CHN1: variants seen among roughly 807,000 people sequenced by gnomAD.
The protein encoded by CHN1 is chimerin 1, also known as N-chimaerin.
CHN1 carries 37 observed loss-of-function variants against 59.5 expected under a neutral mutation model. The observed-to-expected ratio is 0.62, with a 90% CI of 0.48 to 0.82. The LOEUF (loss-of-function observed/expected upper bound fraction) is 0.82. CHN1 is among the 40% of genes least tolerant of loss of function. CHN1 has a pLI of 0.00. For synonymous variants in CHN1, 206 were observed against 200.4 expected, an observed-to-expected ratio of 1.03 and a Z score of -0.24; for missense variants, 469 against 571.0, an observed-to-expected ratio of 0.82 and a Z score of 1.82.
At chr2:174,846,503 T>C in intron 7 of CHN1, 1 of 1,415,326 alleles carries the variant, frequency 7.1e-7, no homozygotes, top group Non-Finnish European at 9.3e-7. Flanking sequence ...TATCCAAAGC[T>C]TTTTACCAGA....
intron 11 of CHN1, among the ~76,000 whole-genome samples, chr2:174,807,444 A>ATGTGTGTGTGTGTG (rs1248242019): frequency 2.2e-5 from 2 of 90,284 alleles, no homozygotes; most frequent in African/African-American, 8.1e-5. Flanking sequence ...TTCACGGGCT[A>ATGTGTGTGTGTGTG]TCTGTGTGTG....
At chr2:174,874,463 A>T (rs1034292347) in intron 6 of CHN1, among the ~76,000 whole-genome samples, 8 of 152,196 alleles carry the variant, frequency 5.3e-5, no homozygotes, top group Non-Finnish European at 8.8e-5. Context: ...TGACATAGCT[A>T]TCACTTGGAA....
intron 3 of CHN1, among the ~76,000 whole-genome samples, chr2:174,930,274 A>T (rs141452906): frequency 3.2e-4 from 48 of 152,226 alleles, no homozygotes; most frequent in Admixed American, 3.9e-4. Context: ...AGCAAAGTGC[A>T]TGACATAACA....
At chr2:174,938,382 C>A (rs551114062) in intron 3 of CHN1, among the ~76,000 whole-genome samples, 5 of 151,746 alleles carry the variant, frequency 3.3e-5, no homozygotes, top group African/African-American at 1.2e-4. Context: ...AGTTGTTATA[C>A]AGATATTTAA....
At chr2:174,843,236 T>C (rs922300590) in intron 7 of CHN1, among the ~76,000 whole-genome samples, 1 of 150,628 alleles carries the variant, frequency 6.6e-6, no homozygotes, top group East Asian at 1.9e-4. Context: ...TTATTATTTA[T>C]TTATTTATTT....
intron 8 of CHN1, among the ~76,000 whole-genome samples, chr2:174,819,854 C>T (rs1162571789): frequency 7.4e-6 from 1 of 134,768 alleles, no homozygotes; most frequent in Non-Finnish European, 1.6e-5. Flanking sequence ...GTGATGTTCC[C>T]CTTCCTGTGT....
intron 5 of CHN1, among the ~76,000 whole-genome samples, chr2:174,914,670 C>T (rs1688793611): frequency 6.6e-6 from 1 of 151,772 alleles, no homozygotes. Context: ...TGGTGAAACC[C>T]CGTCTCTACT....
At position 174,847,281 on chromosome 2, in the gene CHN1, A is replaced by C. The variant is rs1686552859; in HGVS notation, c.550-324T>G. ...CACCACGGAGAGGTGGAGGAGGAGG[A>C]TGAAGCACTTCTTAAACAGAGGTCG... On this transcript the variant is annotated intron_variant, in intron 6 of 12. Coordinates refer to ENST00000409900, the MANE Select transcript of CHN1 (RefSeq NM_001822.7). 2.1e-5 allele frequency: 29 copies of C among 1,370,282 alleles called. No individual in the cohort carries two copies. The South Asian group carries it at 6.2e-4, about 29-fold the overall frequency. 84.9% of individuals were successfully genotyped at this position (1,370,282 alleles called of 1,614,324 possible). A position where few individuals can be genotyped will look rare whatever the true frequency, so the allele number is the denominator to read the frequency against.
rs140331054 is a variant in CHN1 at position 174,860,785 on chromosome 2, C to T, written c.550-13828G>A. 1.1e-4 allele frequency among the ~76,000 whole-genome samples: 17 copies of T among 152,260 alleles called. No homozygotes were observed. In the East Asian group the frequency reaches 3.1e-3, roughly 28 times the overall value. On this transcript the variant is annotated intron_variant, in intron 6 of 12. Transcript: ENST00000409900. ...TGAAATCTATGACCATGCCCTCCTTCCAAACTGCTCCCTCCCCTCATGGGC... is the reference window on the plus strand; with the variant it reads ...TGAAATCTATGACCATGCCCTCCTTTCAAACTGCTCCCTCCCCTCATGGGC...
intron 8 of CHN1, among the ~76,000 whole-genome samples, chr2:174,815,235 G>A (rs544736673): frequency 3.9e-5 from 6 of 152,180 alleles, no homozygotes; most frequent in African/African-American, 1.4e-4. Flanking sequence ...AAAATTGGTG[G>A]TTGTGGTGGT....
intron 5 of CHN1, among the ~76,000 whole-genome samples, chr2:174,903,336 C>G (rs1350382590): frequency 6.6e-6 from 1 of 152,190 alleles, no homozygotes; most frequent in Non-Finnish European, 1.5e-5. Flanking sequence ...TATAGTCAGG[C>G]AGACAATAGG....
intron 7 of CHN1, among the ~76,000 whole-genome samples, chr2:174,842,852 T>C (rs1008271966): frequency 6.6e-6 from 1 of 152,252 alleles, no homozygotes; most frequent in African/African-American, 2.4e-5. Flanking sequence ...CATTTCAGGA[T>C]TCACTGTTTG....
chr2:174,943,175 G>T (rs2105402221), intron 3 of CHN1, among the ~76,000 whole-genome samples: 1 of 143,170 alleles, frequency 7.0e-6, no homozygotes, highest in African/African-American at 2.6e-5. Flanking sequence ...TCAATTTTAG[G>T]GTTTGCTTGT....
intron 7 of CHN1, among the ~76,000 whole-genome samples, chr2:174,839,586 T>C (rs960986664): frequency 3.9e-5 from 6 of 151,982 alleles, no homozygotes; most frequent in Admixed American, 6.6e-5. Context: ...TTAACAATAC[T>C]GTGTTGTGCA....
At chr2:174,890,310 A>C (rs1371528888) in intron 5 of CHN1, among the ~76,000 whole-genome samples, 1 of 152,166 alleles carries the variant, frequency 6.6e-6, no homozygotes, top group Non-Finnish European at 1.5e-5. Flanking sequence ...ACTAAGTAAA[A>C]AGCTGTTACA....
rs1360761088 is a variant in CHN1, at chr2:174,824,428, T to C, written c.712+6A>G. On this transcript the variant is annotated splice_donor_region_variant and intron_variant, in intron 8 of 12. Transcript: ENST00000409900. The stretch of plus-strand genomic sequence containing the variant: ...CTCAATCCAGAGACAAGACAAGAGC[T>C]CTTACCTGCACATTTCACTCCCTGA... The C allele has an allele frequency of 1.3e-6, 2 of 1,596,124 alleles. No individual in the cohort carries two copies. Among genetic ancestry groups the C allele is most frequent in the Non-Finnish European group, 1.7e-6 (2 of 1,170,618 alleles).
intron 11 of CHN1, among the ~76,000 whole-genome samples, chr2:174,805,643 C>T (rs1240626982): frequency 4.6e-5 from 7 of 152,018 alleles, no homozygotes. Flanking sequence ...TAGAGGAGGG[C>T]CTGGAAGGAT....
chr2:174,966,549 T>TA (rs1210951933), intron 1 of CHN1, among the ~76,000 whole-genome samples: 1 of 152,192 alleles, frequency 6.6e-6, no homozygotes, highest in Non-Finnish European at 1.5e-5. Flanking sequence ...ATAAAAGACC[T>TA]AAGCAGTTTC....
chr2:174,916,917 C>T (rs922777769), intron 4 of CHN1, among the ~76,000 whole-genome samples: 9 of 152,152 alleles, frequency 5.9e-5, no homozygotes, highest in African/African-American at 4.8e-5. Flanking sequence ...ACTGGCTGGG[C>T]GCAGTAGCTC....
Sources: allele counts gnomAD v4.1 joint callset (sites outside exome capture counted in the v4.1 genomes callset), GRCh38; gene constraint gnomAD v4.1.1; transcripts MANE v1.5; gene names NCBI Gene and HGNC (gene_info 2026-07-23, HGNC 2026-07-21).